The following HECW1 variants were observed in gnomAD, a reference collection of about 807,000 sequenced individuals.
HECW1 encodes the protein E3 ubiquitin-protein ligase HECW1.
Under a neutral mutation model 182.3 loss-of-function variants are expected in HECW1, and 61 were observed. The ratio of observed to expected loss-of-function variants is 0.33; its 90% CI spans 0.27 to 0.41. The LOEUF is 0.41. Ranked by LOEUF, HECW1 falls within the 10% of genes least tolerant of loss-of-function variation. HECW1 has a pLI of 1.00. For synonymous variants in HECW1, 859 were observed against 832.6 expected, an observed-to-expected ratio of 1.03 and a Z score of -0.55; for missense variants, 1,739 against 2,108.9, an observed-to-expected ratio of 0.82 and a Z score of 3.44.
chr7:43,353,499 T>A (rs1251008830), intron 5 of HECW1, among the ~76,000 whole-genome samples: 1 of 152,022 alleles, frequency 6.6e-6, no homozygotes, highest in East Asian at 1.9e-4. Flanking sequence ...AACAATTGTA[T>A]GGCACCAAGA....
At chr7:43,249,636 G>A (rs1287921869) in intron 3 of HECW1, among the ~76,000 whole-genome samples, 1 of 152,212 alleles carries the variant, frequency 6.6e-6, no homozygotes, top group Non-Finnish European at 1.5e-5. Context: ...CATGCACACT[G>A]CATAGCTATT....
intron 3 of HECW1, among the ~76,000 whole-genome samples, chr7:43,287,675 G>T (rs1387663449): frequency 6.6e-6 from 1 of 152,156 alleles, no homozygotes; most frequent in East Asian, 1.9e-4. Flanking sequence ...TGGCTGCTCT[G>T]TGGAGAGCAG....
At position 43,374,799 on chromosome 7, in the gene HECW1, A is replaced by AAAAAAAAAAAAAAAC. The variant is rs1303274874; in HGVS notation, c.555+13820_555+13821insAAAAAAAAAAAAACA. 7.0e-4 allele frequency among the ~76,000 whole-genome samples: 38 copies of AAAAAAAAAAAAAAAC among 54,064 alleles called. 6 individuals are homozygous for AAAAAAAAAAAAAAAC. Among genetic ancestry groups the AAAAAAAAAAAAAAAC allele is most frequent in the African/African-American group, 1.4e-3 (8 of 5,832 alleles). The allele number at this position is 54,064 out of a possible 152,430, so 35.5% of individuals were successfully genotyped here. Reference sequence around the variant, plus strand: ...AAAAAAAAAAAAAAAAAAAAAAAAAAATAGAGAAATATAATAACCAGTGAA... The same window carrying AAAAAAAAAAAAAAAC: ...AAAAAAAAAAAAAAAAAAAAAAAAAAAAAAAAAAAAAAAACATAGAGAAATATAATAACCAGTGAA... On this transcript the variant is annotated intron_variant, in intron 6 of 29. Coordinates refer to ENST00000395891, the MANE Select transcript of HECW1 (RefSeq NM_015052.5).
intron 24 of HECW1, among the ~76,000 whole-genome samples, chr7:43,531,832 C>T (rs1300036545): frequency 6.6e-6 from 1 of 152,222 alleles, no homozygotes; most frequent in Non-Finnish European, 1.5e-5. Context: ...TGTTGCCTCT[C>T]ATCTTCCAGA....
chr7:43,301,595 A>G (rs1306543999), intron 3 of HECW1, among the ~76,000 whole-genome samples: 2 of 152,196 alleles, frequency 1.3e-5, no homozygotes, highest in Non-Finnish European at 2.9e-5. Context: ...AGGAAGAAGA[A>G]GCCAGATGCA....
At chr7:43,505,913 A>C (rs1383201537) in intron 21 of HECW1, among the ~76,000 whole-genome samples, 1 of 152,184 alleles carries the variant, frequency 6.6e-6, no homozygotes, top group African/African-American at 2.4e-5. Flanking sequence ...CTAAATTGTA[A>C]GCTTAGTACC....
chr7:43,181,850 C>T (rs776269084), intron 2 of HECW1, among the ~76,000 whole-genome samples: 5 of 150,394 alleles, frequency 3.3e-5, no homozygotes, highest in East Asian at 1.9e-4. Context: ...TGCAGTGGTG[C>T]GATCTCCACT....
intron 6 of HECW1, among the ~76,000 whole-genome samples, chr7:43,392,177 A>T (rs1432603479): frequency 2.0e-5 from 3 of 152,254 alleles, no homozygotes; most frequent in Non-Finnish European, 2.9e-5. Flanking sequence ...AGACTCAGTG[A>T]CATAATGAAT....
chr7:43,506,167 A>G (rs2079569274), intron 21 of HECW1, among the ~76,000 whole-genome samples: 1 of 152,196 alleles, frequency 6.6e-6, no homozygotes, highest in Admixed American at 6.5e-5. Context: ...ACTCTAATCT[A>G]ATATAAACTC....
intron 8 of HECW1, among the ~76,000 whole-genome samples, chr7:43,429,334 A>G (rs1485616499): frequency 2.0e-5 from 2 of 99,342 alleles, no homozygotes; most frequent in Admixed American, 2.2e-4. Context: ...ATATATATAT[A>G]TACATATATG....
chr7:43,446,267 AT>A (rs1420872865), intron 11 of HECW1, among the ~76,000 whole-genome samples: 20 of 152,224 alleles, frequency 1.3e-4, no homozygotes, highest in Non-Finnish European at 1.5e-5. Flanking sequence ...AGCTGCCACC[AT>A]TAGTTTTAAA....
At chr7:43,406,474 C>T (rs1276341803) in intron 7 of HECW1, among the ~76,000 whole-genome samples, 1 of 152,136 alleles carries the variant, frequency 6.6e-6, no homozygotes, top group Admixed American at 6.5e-5. Flanking sequence ...TGTGCTTTTT[C>T]GTCAGTAACA....
At chr7:43,380,193 C>T (rs572887440) in intron 6 of HECW1, among the ~76,000 whole-genome samples, 6 of 152,230 alleles carry the variant, frequency 3.9e-5, no homozygotes, top group South Asian at 2.1e-4. Context: ...GCTAGGACTA[C>T]AGGCACATGC....
chr7:43,359,370 A>G (rs1049984427), intron 5 of HECW1, among the ~76,000 whole-genome samples: 1 of 152,222 alleles, frequency 6.6e-6, no homozygotes, highest in South Asian at 2.1e-4. Context: ...GATGCCGGGT[A>G]GGTATCTAGC....
intron 3 of HECW1, among the ~76,000 whole-genome samples, chr7:43,279,746 G>C (rs1186745460): frequency 6.6e-6 from 1 of 152,104 alleles, no homozygotes; most frequent in Non-Finnish European, 1.5e-5. Context: ...CCTTCATGGG[G>C]TATAGTAATT....
At chr7:43,209,518 G>A (rs745689303) in intron 2 of HECW1, among the ~76,000 whole-genome samples, 6 of 152,130 alleles carry the variant, frequency 3.9e-5, no homozygotes, top group Admixed American at 1.3e-4. Context: ...AAATTTACAA[G>A]AGAGCTTCTC....
Position 43,509,096 on chromosome 7 carries a change from G to C in HECW1, c.3994G>C (p.Ala1332Pro). Reference protein sequence around the residue: ...TYTVQISPMSAFVENHLEWFR... With the variant: ...TYTVQISPMSPFVENHLEWFR... ...CACGGTGCAGATCAGCCCCATGTCC[G>C]CATTTGTAGAAAACCATCTTGAGTG... Residue 1332 changes from alanine (A) to proline (P), a missense_variant, in exon 24 of 30, where the codon GCA becomes CCA. Transcript: ENST00000395891. 1 of 1,613,954 alleles carries C rather than the reference G, an allele frequency of 6.2e-7. No individual in the cohort carries two copies. Among genetic ancestry groups the C allele is most frequent in the Non-Finnish European group, 8.5e-7 (1 of 1,179,924 alleles).
At chr7:43,493,047 G>T in intron 18 of HECW1, 37 bp from the exon 19 acceptor site, 1 of 1,411,062 alleles carries the variant, frequency 7.1e-7, no homozygotes, top group South Asian at 1.2e-5. Context: ...TCTCTGGGCT[G>T]CAGACTCAAC....
intron 2 of HECW1, among the ~76,000 whole-genome samples, chr7:43,191,188 G>T (rs544927417): frequency 6.6e-6 from 1 of 152,196 alleles, no homozygotes; most frequent in Non-Finnish European, 1.5e-5. Context: ...TCCTGGGCTA[G>T]TCAAGTTCAT....
Sources: gnomAD v4.1 joint callset for allele counts (sites outside exome capture counted in the v4.1 genomes callset) on GRCh38, gnomAD v4.1.1 for gene constraint, MANE v1.5 for transcripts, NCBI Gene and HGNC (gene_info 2026-07-23, HGNC 2026-07-21) for gene names.